Variants in PRPF8 observed in about 807,000 individuals in gnomAD.
PRPF8 encodes pre-mRNA processing factor 8, also known as pre-mRNA-processing-splicing factor 8.
A neutral mutation model predicts 285.9 loss-of-function variants in PRPF8; 64 were observed. The ratio of observed to expected loss-of-function variants is 0.22; its 90% CI spans 0.18 to 0.28. The LOEUF (loss-of-function observed/expected upper bound fraction) is 0.28. Ranked by LOEUF, PRPF8 falls within the 10% of genes least tolerant of loss-of-function variation. PRPF8 has a pLI of 1.00. For synonymous variants in PRPF8, 1,325 were observed against 1,118.2 expected (o/e 1.18, Z -3.69); for missense variants, 1,426 against 3,026.7 (o/e 0.47, Z 12.41).
intron 24 of PRPF8, among the ~76,000 whole-genome samples, chr17:1,664,388 T>C (rs1911840466): frequency 6.6e-6 from 1 of 152,294 alleles, no homozygotes; most frequent in Non-Finnish European, 1.5e-5. Context: ...TTAAGCAATG[T>C]AACCAACTGA....
At chr17:1,654,295 T>C in intron 37 of PRPF8, 2 of 579,284 alleles carry the variant, frequency 3.5e-6, no homozygotes, top group Non-Finnish European at 6.2e-6. Flanking sequence ...GGCATGGAAC[T>C]GTTCTCAGAA....
intron 24 of PRPF8, among the ~76,000 whole-genome samples, chr17:1,668,654 G>A (rs1262092209): frequency 2.0e-5 from 3 of 152,016 alleles, no homozygotes; most frequent in Admixed American, 6.6e-5. Flanking sequence ...GAGCCACCGC[G>A]GCCGGCTGGG....
chr17:1,652,073 C>G, intron 39 of PRPF8: 1 of 544,684 alleles, frequency 1.8e-6, no homozygotes, highest in South Asian at 2.0e-5. Context: ...AGCAAATGAG[C>G]ACACATGCAG....
chr17:1,668,658 G>A (rs1374410299), intron 24 of PRPF8, among the ~76,000 whole-genome samples: 5 of 151,952 alleles, frequency 3.3e-5, no homozygotes, highest in Admixed American at 6.6e-5. Flanking sequence ...CACCGCGGCC[G>A]GCTGGGTCCC....
In PRPF8 at chr17:1,651,946, C is replaced by G; in HGVS notation, c.6370-158G>C. 1.0e-6 allele frequency: 1 copy of G among 959,516 alleles called. No individual in the cohort carries two copies. The highest frequency in any genetic ancestry group is 1.6e-6 in the Non-Finnish European group (1 of 615,996). The allele number at this position is 959,516 out of a possible 1,614,324, so 59.4% of individuals were successfully genotyped here. ...ATCAGAATCAGCTGGGGTGCTTGTT[C>G]AAAATGTTAGACATGGACCTCATCG... is the stretch of plus-strand genomic sequence containing the variant. On this transcript the variant is annotated intron_variant, in intron 39 of 42. Transcript: ENST00000304992. The surrounding 1 kb of genome is among the most constrained non-coding windows in gnomAD (Gnocchi z 5.1).
chr17:1,679,574 A>G lies in PRPF8; in HGVS notation c.1289+35T>C, dbSNP rs1314909802. On this transcript the variant is annotated intron_variant, in intron 9 of 42. Coordinates refer to ENST00000304992, the MANE Select transcript of PRPF8 (RefSeq NM_006445.4). This position sits in a 1 kb window ranked among gnomAD's most constrained non-coding sequence, Gnocchi z 4.7. ...TTGGAGTCTTTTCTCCTACACATCC[A>G]CTATCATTCCCCCTGCCACAGGGAA... 2.5e-6 allele frequency: 4 copies of G among 1,611,130 alleles called. No individual in the cohort carries two copies. The African/African-American group carries it at 5.4e-5, about 22-fold the overall frequency.
At position 1,676,730 on chromosome 17, in the gene PRPF8, CA is replaced by C; in HGVS notation, c.2182-20del. 6.2e-7 allele frequency: 1 copy of C among 1,612,860 alleles called. No individual in the cohort carries two copies. The highest frequency in any genetic ancestry group is 8.5e-7 in the Non-Finnish European group (1 of 1,179,702). On this transcript the variant is annotated intron_variant, in intron 15 of 42. Coordinates refer to ENST00000304992, the MANE Select transcript of PRPF8 (RefSeq NM_006445.4). The surrounding 1 kb of genome is among the most constrained non-coding windows in gnomAD (Gnocchi z 6.3). ...CAGGGACCTAAAAGTCCAAAAAGCA[CA>C]ATCAAGCCAGGATCCAGCCAGGCAC... is the stretch of plus-strand genomic sequence containing the variant.
In PRPF8 at chr17:1,661,216, T is replaced by C; in HGVS notation, c.4339-54A>G. 1 of 1,614,108 alleles carries C rather than the reference T, an allele frequency of 6.2e-7. No individual in the cohort carries two copies. The highest frequency in any genetic ancestry group is 8.5e-7 in the Non-Finnish European group (1 of 1,180,026). On this transcript the variant is annotated intron_variant, in intron 27 of 42. Coordinates refer to ENST00000304992, the MANE Select transcript of PRPF8 (RefSeq NM_006445.4). This position sits in a 1 kb window ranked among gnomAD's most constrained non-coding sequence, Gnocchi z 7.3. ...TTCTGGGTGCCTATTGCCCCAAGTT[T>C]CGGGGATAGCCATGGATTTTCCTGA...
chr17:1,661,876 G>A lies in PRPF8; in HGVS notation c.4022+30C>T. The A allele has an allele frequency of 6.2e-7, 1 of 1,614,158 alleles. No homozygotes were observed. Among genetic ancestry groups the A allele is most frequent in the Non-Finnish European group, 8.5e-7 (1 of 1,180,034 alleles). Reference sequence around the variant, plus strand: ...ACTTCCCTTAGGGCCTGAGCAATAGGGTTTAGAAATACGTTGAACCAGGCT... The same window carrying A: ...ACTTCCCTTAGGGCCTGAGCAATAGAGTTTAGAAATACGTTGAACCAGGCT... On this transcript the variant is annotated intron_variant, in intron 25 of 42. Transcript: ENST00000304992. This position sits in a 1 kb window ranked among gnomAD's most constrained non-coding sequence, Gnocchi z 7.3.
Position 1,656,551 on chromosome 17 carries a change from G to A in PRPF8, c.5634C>T (p.Asp1878=). Residue 1878 remains aspartate, a synonymous_variant, in exon 36 of 43, where the codon GAC becomes GAT. Coordinates refer to ENST00000304992, the MANE Select transcript of PRPF8 (RefSeq NM_006445.4). ...ATCCTTTGATGACAATATTGGGGAA[G>A]TCCAGTAAGTGCACCTAAGACAAGA... ...MLDPLEVHLL[D]FPNIVIKGSE... 1 of 1,614,170 alleles carries A rather than the reference G, an allele frequency of 6.2e-7. No homozygotes were observed. The highest frequency in any genetic ancestry group is 1.1e-5 in the South Asian group (1 of 91,080).
chr17:1,659,104 C>A lies in PRPF8; in HGVS notation c.5138+253G>T, dbSNP rs1301907309. On this transcript the variant is annotated intron_variant, in intron 32 of 42. Coordinates refer to ENST00000304992, the MANE Select transcript of PRPF8 (RefSeq NM_006445.4). The surrounding 1 kb of genome is among the most constrained non-coding windows in gnomAD (Gnocchi z 5.1). The stretch of plus-strand genomic sequence containing the variant: ...GCAGTGGCGCAATCTCGGTTCACTG[C>A]AAGCTCCGCCTCCCGGGTTCAAGTA... The A allele has an allele frequency of 9.7e-6, 6 of 619,062 alleles. No homozygotes were observed. Among genetic ancestry groups the A allele is most frequent in the Non-Finnish European group, 8.6e-6 (3 of 349,156 alleles). 38.3% of individuals were successfully genotyped at this position (619,062 alleles called of 1,614,324 possible).
At position 1,684,522 on chromosome 17, in the gene PRPF8, G is replaced by C. The variant is rs1281548539; in HGVS notation, c.50C>G (p.Pro17Arg). Residue 17 changes from proline (P) to arginine (R), a missense_variant, in exon 2 of 43, where the codon CCT (proline) becomes CGT (arginine). Pro to Arg is a moderately radical substitution (Grantham distance 103, BLOSUM62 -2). This residue lies in a region of PRPF8 where 72 missense variants were observed against 80.0 expected (regional missense o/e 0.90). Transcript: ENST00000304992. ...CATGTAGTCCGGTAGCGGGGCTAGAGGGCCAGGCACCGGGTTACCCGGCCC... is the reference window on the plus strand; with the variant it reads ...CATGTAGTCCGGTAGCGGGGCTAGACGGCCAGGCACCGGGTTACCCGGCCC... ...YRGPGNPVPG[P>R]LAPLPDYMSE... 7.4e-6 allele frequency: 12 copies of C among 1,612,538 alleles called. No homozygotes were observed. The highest frequency in any genetic ancestry group is 1.0e-5 in the Non-Finnish European group (12 of 1,179,864).
At chr17:1,657,197 G>T (rs1356503371) in intron 34 of PRPF8, among the ~76,000 whole-genome samples, 1 of 152,170 alleles carries the variant, frequency 6.6e-6, no homozygotes, top group Non-Finnish European at 1.5e-5. Context: ...TGGACTGAAT[G>T]TAAGATGAAA....
At chr17:1,657,402 T>C (rs1289496034) in intron 34 of PRPF8, among the ~76,000 whole-genome samples, 1 of 152,130 alleles carries the variant, frequency 6.6e-6, no homozygotes, top group Non-Finnish European at 1.5e-5. Context: ...TCCCAGCACT[T>C]TGAGAGGCCA....
At position 1,683,654 on chromosome 17, in the gene PRPF8, T is replaced by G; in HGVS notation, c.148A>C (p.Lys50Gln). The G allele has an allele frequency of 6.2e-7, 1 of 1,614,114 alleles. No homozygotes were observed. Among genetic ancestry groups the G allele is most frequent in the Non-Finnish European group, 8.5e-7 (1 of 1,180,036 alleles). ...LQAKRYAEKR[K>Q]FGFVDAQKED... is the part of the protein sequence containing the mutation. ...TTCTGGGCATCCACAAACCCAAACTTCCGCTTTTCTGCATAGCGCTTGGCC... is the reference window on the plus strand; with the variant it reads ...TTCTGGGCATCCACAAACCCAAACTGCCGCTTTTCTGCATAGCGCTTGGCC... The change falls in exon 3 of 43, where the codon AAG (lysine) becomes CAG (glutamine). Residue 50 changes from lysine to glutamine, a missense_variant. Physicochemically the swap from Lys to Gln is moderately conservative, Grantham distance 53. Coordinates refer to ENST00000304992, the MANE Select transcript of PRPF8 (RefSeq NM_006445.4).
At chr17:1,666,999 CCT>C (rs1377330071) in intron 24 of PRPF8, among the ~76,000 whole-genome samples, 1 of 152,020 alleles carries the variant, frequency 6.6e-6, no homozygotes, top group African/African-American at 2.4e-5. Context: ...ATGGTGAAAC[CCT>C]GTCTCTACTA....
In PRPF8 at chr17:1,676,161, C is replaced by G; in HGVS notation, c.2552+46G>C. On this transcript the variant is annotated intron_variant, in intron 17 of 42. Transcript: ENST00000304992. This position sits in a 1 kb window ranked among gnomAD's most constrained non-coding sequence, Gnocchi z 6.3. ...TTGGACTCTGAGGATGACGCCATTC[C>G]CTGCTGTCACCTTCCCAGCAGGAAC... 6.2e-7 allele frequency: 1 copy of G among 1,612,444 alleles called. No individual in the cohort carries two copies.
At position 1,681,637 on chromosome 17, in the gene PRPF8, G is replaced by C; in HGVS notation, c.707C>G (p.Ser236Trp). 6.2e-7 allele frequency: 1 copy of C among 1,614,078 alleles called. No individual in the cohort carries two copies. The highest frequency in any genetic ancestry group is 8.5e-7 in the Non-Finnish European group (1 of 1,180,028). The change falls in exon 6 of 43, where the codon TCG (serine) becomes TGG (tryptophan). Residue 236 changes from serine (S) to tryptophan (W), a missense_variant. Physicochemically the swap from Ser to Trp is radical, Grantham distance 177 (BLOSUM62 -3). This residue lies in a region of PRPF8 where 157 missense variants were observed against 159.6 expected (regional missense o/e 0.98). Coordinates refer to ENST00000304992, the MANE Select transcript of PRPF8 (RefSeq NM_006445.4). The part of the protein sequence containing the change: ...QRWQFTLPMM[S>W]TLYRLANQLL... Reference sequence around the variant, plus strand: ...CTGATTAGCCAGGCGGTAGAGAGTCGACATCATAGGTAGTGTGAACTGCCA... The same window carrying C: ...CTGATTAGCCAGGCGGTAGAGAGTCCACATCATAGGTAGTGTGAACTGCCA...
At position 1,673,064 on chromosome 17, in the gene PRPF8, G is replaced by A. The variant is rs769173443; in HGVS notation, c.3774+17C>T. 14 of 1,610,268 alleles carry A rather than the reference G, an allele frequency of 8.7e-6. No homozygotes were observed. The African/African-American group carries it at 1.7e-4, about 20-fold the overall frequency. The stretch of plus-strand genomic sequence containing the variant: ...CAGCAGAGGACAAGAGGGAAGCTGG[G>A]CATGACGGCCCTGTACCTTGGTGAA... On this transcript the variant is annotated intron_variant, in intron 24 of 42. Transcript: ENST00000304992. This position sits in a 1 kb window ranked among gnomAD's most constrained non-coding sequence, Gnocchi z 5.5.
Sources: allele counts gnomAD v4.1 joint callset (sites outside exome capture counted in the v4.1 genomes callset), GRCh38; gene constraint gnomAD v4.1.1; regional missense constraint gnomAD v4.1.1; non-coding constraint Gnocchi (gnomAD v3.1); transcripts MANE v1.5; gene names NCBI Gene and HGNC (gene_info 2026-07-23, HGNC 2026-07-21).